Variants in ZNF131 observed in about 807,000 individuals in gnomAD.
The protein encoded by ZNF131 is zinc finger and BTB domain containing 35.
A neutral mutation model predicts 60.0 loss-of-function variants in ZNF131; 7 were observed. The ratio of observed to expected loss-of-function variants is 0.12; its 90% CI spans 0.07 to 0.22. ZNF131 has a LOEUF of 0.22. Ranked by LOEUF, ZNF131 falls within the 10% of genes least tolerant of loss-of-function variation. The pLI, the probability that ZNF131 is intolerant of heterozygous loss-of-function variation, is 1.00. For missense variants in ZNF131, 493 were observed against 740.9 expected, an observed-to-expected ratio of 0.67 and a Z score of 3.88; for synonymous variants, 257 against 253.2, an observed-to-expected ratio of 1.01 and a Z score of -0.14.
At chr5:43,121,606 A>C in intron 1 of ZNF131, 1 of 146,590 alleles carries the variant, frequency 6.8e-6, no homozygotes, top group African/African-American at 2.5e-5. Context: ...GAGAAGAGGG[A>C]GGGCGGGGGA....
At chr5:43,146,444 C>T (rs927343956) in intron 4 of ZNF131, among the ~76,000 whole-genome samples, 5 of 151,776 alleles carry the variant, frequency 3.3e-5, no homozygotes, top group African/African-American at 1.2e-4. Context: ...ACAAAATTAG[C>T]TGGGTGTGGT....
At chr5:43,130,818 G>A (rs1207384590) in intron 3 of ZNF131, among the ~76,000 whole-genome samples, 64 of 151,588 alleles carry the variant, frequency 4.2e-4, no homozygotes, top group Admixed American at 4.2e-3. Flanking sequence ...CACCTGCCTC[G>A]GCCTCCCAGA....
Position 43,176,161 on chromosome 5 carries a change from TA to T in ZNF131, c.*1030del, listed in dbSNP as rs577626169. 79 of 152,374 alleles carry T rather than the reference TA, an allele frequency of 5.2e-4. No homozygotes were observed. The highest frequency in any genetic ancestry group is 4.8e-4 in the Non-Finnish European group (33 of 68,050). 9.4% of individuals were successfully genotyped at this position (152,374 alleles called of 1,614,324 possible). A position where few individuals can be genotyped will look rare whatever the true frequency, so the allele number is the denominator to read the frequency against. On this transcript the variant is annotated 3_prime_UTR_variant, in exon 7 of 7. Coordinates refer to ENST00000682664, the MANE Select transcript of ZNF131 (RefSeq NM_001330707.2). ...GCTATAACTTTTAAAGCCATACAAA[TA>T]AGAGTGCTAAACTGTGGACTTAAAA...
intron 3 of ZNF131, among the ~76,000 whole-genome samples, chr5:43,128,881 C>T (rs1561389241): frequency 6.6e-6 from 1 of 151,954 alleles, no homozygotes. Context: ...CTTCTAACTA[C>T]AAGCACATAC....
At chr5:43,163,375 A>G (rs948211986) in intron 5 of ZNF131, among the ~76,000 whole-genome samples, 1 of 152,182 alleles carries the variant, frequency 6.6e-6, no homozygotes, top group Non-Finnish European at 1.5e-5. Flanking sequence ...TCAACAGCAA[A>G]TATGTCAGGC....
intron 4 of ZNF131, among the ~76,000 whole-genome samples, chr5:43,158,230 A>G (rs901048378): frequency 3.9e-5 from 6 of 151,960 alleles, no homozygotes; most frequent in African/African-American, 1.5e-4. Flanking sequence ...GGCCTCCCAG[A>G]GTGCTGGGAT....
At chr5:43,144,156 T>G (rs1192695132) in intron 4 of ZNF131, among the ~76,000 whole-genome samples, 1 of 150,270 alleles carries the variant, frequency 6.7e-6, no homozygotes, top group African/African-American at 2.4e-5. Context: ...TCTCCTGACC[T>G]CGTGATCCAC....
chr5:43,150,709 T>G (rs1339877073), intron 4 of ZNF131, among the ~76,000 whole-genome samples: 1 of 152,118 alleles, frequency 6.6e-6, no homozygotes, highest in African/African-American at 2.4e-5. Flanking sequence ...GGAGAATTGC[T>G]GAGGCTGCAG....
At chr5:43,134,558 C>G (rs1284050187) in intron 3 of ZNF131, among the ~76,000 whole-genome samples, 2 of 152,084 alleles carry the variant, frequency 1.3e-5, no homozygotes, top group Non-Finnish European at 2.9e-5. Context: ...AGGAAGGAAT[C>G]AATCTCTTTT....
chr5:43,131,420 G>A (rs371775454), intron 3 of ZNF131, among the ~76,000 whole-genome samples: 17 of 151,278 alleles, frequency 1.1e-4, no homozygotes, highest in African/African-American at 3.9e-4. Flanking sequence ...TGATCCTCCT[G>A]CCTTGGCCTC....
intron 4 of ZNF131, among the ~76,000 whole-genome samples, chr5:43,155,543 C>T (rs1748852966): frequency 6.6e-6 from 1 of 152,058 alleles, no homozygotes; most frequent in Admixed American, 6.6e-5. Context: ...GTTGTGGGGC[C>T]CTAAAGGTAG....
rs572510872 is a variant in ZNF131 at position 43,158,914 on chromosome 5, C to G, written c.372-2335C>G. ...CTGGCAAGAGCTATGAGATTTTACT[C>G]TACTTGCAAGCCTACAAGTTTTCCT... On this transcript the variant is annotated intron_variant, in intron 4 of 6. Transcript: ENST00000682664. 2.0e-5 allele frequency among the ~76,000 whole-genome samples: 3 copies of G among 151,578 alleles called. No individual in the cohort carries two copies. In the East Asian group the frequency reaches 5.8e-4, roughly 30 times the overall value.
intron 3 of ZNF131, among the ~76,000 whole-genome samples, chr5:43,127,111 A>G (rs904242469): frequency 6.6e-6 from 1 of 152,108 alleles, no homozygotes; most frequent in African/African-American, 2.4e-5. Flanking sequence ...TATTCTTTCC[A>G]GGATTTTTAG....
chr5:43,123,327 GT>G lies in ZNF131; in HGVS notation c.226+24del. On this transcript the variant is annotated intron_variant, in intron 3 of 6. Transcript: ENST00000682664. ...AGATAGAAGGTAAATGATTCTTGTT[GT>G]TTTTTTATTTAATAAATCAAAGAAG... 1.3e-6 allele frequency: 2 copies of G among 1,567,506 alleles called. No individual in the cohort carries two copies. Among genetic ancestry groups the G allele is most frequent in the Non-Finnish European group, 8.6e-7 (1 of 1,160,158 alleles).
intron 1 of ZNF131, 144 bp from the exon 2 acceptor site, chr5:43,121,895 C>T (rs1167604078): frequency 3.2e-6 from 3 of 931,604 alleles, no homozygotes; most frequent in South Asian, 2.0e-5. Flanking sequence ...GCTCGCCTTT[C>T]TTCCCTCGCC....
At chr5:43,173,533 G>GC (rs1751245230) in intron 6 of ZNF131, 85 bp downstream of exon 6, 1 of 1,512,962 alleles carries the variant, frequency 6.6e-7, no homozygotes, top group African/African-American at 1.4e-5. Flanking sequence ...AGAGTCTCAA[G>GC]CAAAGGTATA....
chr5:43,162,341 C>G (rs1749782921), intron 5 of ZNF131, among the ~76,000 whole-genome samples: 1 of 152,068 alleles, frequency 6.6e-6, no homozygotes, highest in South Asian at 2.1e-4. Flanking sequence ...CCTGTAATCC[C>G]AGCACTTTGG....
intron 3 of ZNF131, among the ~76,000 whole-genome samples, chr5:43,129,594 A>G (rs1745036848): frequency 1.3e-5 from 2 of 152,224 alleles, no homozygotes; most frequent in South Asian, 4.1e-4. Context: ...GATAAAGATG[A>G]CATAGCCCCA....
At chr5:43,123,083 A>G in intron 2 of ZNF131, 126 bp from the exon 3 acceptor site, 1 of 646,264 alleles carries the variant, frequency 1.5e-6, no homozygotes, top group Non-Finnish European at 2.6e-6. Context: ...TAGTTCAATA[A>G]TTTCTGTAGT....
Sources: gnomAD v4.1 joint callset for allele counts (sites outside exome capture counted in the v4.1 genomes callset) on GRCh38, gnomAD v4.1.1 for gene constraint, MANE v1.5 for transcripts, NCBI Gene and HGNC (gene_info 2026-07-23, HGNC 2026-07-21) for gene names.